ABLIM3: variants seen among roughly 807,000 people sequenced by gnomAD.
The protein encoded by ABLIM3 is actin-binding LIM protein 3.
A neutral mutation model predicts 109.5 loss-of-function variants in ABLIM3; 61 were observed. That is an observed-to-expected ratio of 0.56 (90% CI 0.45 to 0.69). The LOEUF is 0.69. Ranked by LOEUF, ABLIM3 falls within the 30% of genes least tolerant of loss-of-function variation. ABLIM3 has a pLI of 0.00. For missense variants in ABLIM3, 796 were observed against 889.5 expected (o/e 0.89, Z 1.34); for synonymous variants, 300 against 324.8 (o/e 0.92, Z 0.82).
rs201746043 is a variant in ABLIM3, at chr5:149,251,398, G to A, written c.1828G>A (p.Ala610Thr). The A allele has an allele frequency of 4.0e-5, 64 of 1,614,022 alleles. No homozygotes were observed. The highest frequency in any genetic ancestry group is 1.5e-4 in the South Asian group (14 of 91,072). The change falls in exon 21 of 24, where the codon GCA becomes ACA. Residue 610 changes from alanine (A) to threonine (T), a missense_variant. By Grantham distance (58) the Ala-to-Thr change is moderately conservative. Transcript: ENST00000309868. Reference protein sequence around the residue: ...ADLFHYDSMNAVNWGMREYKI... With the variant: ...ADLFHYDSMNTVNWGMREYKI... ...CCTCTTCCACTACGACAGCATGAAC[G>A]CAGTCAACTGGGGCATGCGAGGTGA...
intron 3 of ABLIM3, among the ~76,000 whole-genome samples, chr5:149,190,791 A>C (rs1757409131): frequency 6.6e-6 from 1 of 151,982 alleles, no homozygotes; most frequent in Non-Finnish European, 1.5e-5. Context: ...GAAATTATAA[A>C]ATATGTTCTG....
intron 3 of ABLIM3, among the ~76,000 whole-genome samples, chr5:149,194,904 G>A (rs1462289468): frequency 6.6e-6 from 1 of 152,100 alleles, no homozygotes; most frequent in Non-Finnish European, 1.5e-5. Flanking sequence ...GGGTACATGG[G>A]AGTTATTTTA....
At chr5:149,169,093 A>ACCCCCCCC (rs1755118808) in intron 2 of ABLIM3, among the ~76,000 whole-genome samples, 1 of 77,200 alleles carries the variant, frequency 1.3e-5, no homozygotes, top group Non-Finnish European at 2.8e-5. Flanking sequence ...GGACCCCCCC[A>ACCCCCCCC]CCCCCCGTCT....
At chr5:149,143,599 C>T (rs574694913) in intron 2 of ABLIM3, among the ~76,000 whole-genome samples, 14 of 147,478 alleles carry the variant, frequency 9.5e-5, no homozygotes, top group African/African-American at 2.2e-4. Flanking sequence ...TTATTTACTA[C>T]GTATTTGTAT....
chr5:149,259,370 C>T lies in ABLIM3; in HGVS notation c.*966C>T. ...CACACCGCAGGGCTAATGTTCCCAC[C>T]AGAGCTCCAACTGAACAACCAGACA... On this transcript the variant is annotated 3_prime_UTR_variant, in exon 24 of 24. Coordinates refer to ENST00000309868, the MANE Select transcript of ABLIM3 (RefSeq NM_014945.5). The T allele has an allele frequency of 6.8e-7, 1 of 1,463,842 alleles. No individual in the cohort carries two copies. Among genetic ancestry groups the T allele is most frequent in the Non-Finnish European group, 9.0e-7 (1 of 1,111,160 alleles). 90.7% of individuals were successfully genotyped at this position (1,463,842 alleles called of 1,614,324 possible).
At chr5:149,234,578 A>G (rs1018843157) in intron 10 of ABLIM3, among the ~76,000 whole-genome samples, 2 of 152,148 alleles carry the variant, frequency 1.3e-5, no homozygotes, top group African/African-American at 4.8e-5. Flanking sequence ...AAAGAAAAAC[A>G]CTTAAGAGTT....
rs1289680322 is a variant in ABLIM3, at chr5:149,141,592, G to A, written c.-150G>A. 1 of 157,636 alleles carries A rather than the reference G, an allele frequency of 6.3e-6. No individual in the cohort carries two copies. Among genetic ancestry groups the A allele is most frequent in the South Asian group, 1.9e-4 (1 of 5,144 alleles). 9.8% of individuals were successfully genotyped at this position (157,636 alleles called of 1,614,324 possible). A position where few individuals can be genotyped will look rare whatever the true frequency, so the allele number is the denominator to read the frequency against. ...ATTCGAGACCCCAGACGAGGACCAG[G>A]ATTCATGAAATCAGTCGCAGGGGCC... On this transcript the variant is annotated 5_prime_UTR_variant, in exon 1 of 24. Coordinates refer to ENST00000309868, the MANE Select transcript of ABLIM3 (RefSeq NM_014945.5).
At chr5:149,227,027 G>A (rs1761361266) in intron 8 of ABLIM3, among the ~76,000 whole-genome samples, 1 of 144,706 alleles carries the variant, frequency 6.9e-6, no homozygotes, top group Non-Finnish European at 1.5e-5. Context: ...CCAAGATCGT[G>A]CCATTGCACT....
At chr5:149,239,125 G>C (rs375621574) in intron 11 of ABLIM3, 123 bp from the exon 12 acceptor site, 8 of 930,546 alleles carry the variant, frequency 8.6e-6, no homozygotes, top group Non-Finnish European at 1.4e-5. Context: ...CTGGAGAGGG[G>C]TACAAAGGAA....
intron 2 of ABLIM3, among the ~76,000 whole-genome samples, chr5:149,173,671 G>A (rs1355912731): frequency 6.6e-6 from 1 of 152,132 alleles, no homozygotes; most frequent in East Asian, 1.9e-4. Flanking sequence ...ATAGCTCCAA[G>A]GCCTTAAAGT....
intron 2 of ABLIM3, among the ~76,000 whole-genome samples, chr5:149,154,887 C>A (rs779190088): frequency 1.1e-4 from 17 of 152,134 alleles, no homozygotes; most frequent in Non-Finnish European, 1.6e-4. Context: ...TTACGCTTCA[C>A]AAGAGTCCTA....
At chr5:149,236,983 C>T (rs1470325244) in intron 10 of ABLIM3, among the ~76,000 whole-genome samples, 1 of 152,020 alleles carries the variant, frequency 6.6e-6, no homozygotes, top group Non-Finnish European at 1.5e-5. Context: ...TTGTCTTTAC[C>T]ATCTTCATCT....
At chr5:149,231,229 G>A (rs547139590) in intron 9 of ABLIM3, among the ~76,000 whole-genome samples, 5 of 152,290 alleles carry the variant, frequency 3.3e-5, no homozygotes, top group Non-Finnish European at 5.9e-5. Flanking sequence ...AAGCACAGCC[G>A]ACATCCCCAG....
In ABLIM3 at chr5:149,190,975, A is replaced by G. The variant is rs1215444706; in HGVS notation, c.152-7244A>G. Among the ~76,000 whole-genome samples, 7 of 152,350 alleles carry G rather than the reference A, an allele frequency of 4.6e-5. No homozygotes were observed. In the South Asian group the frequency reaches 1.2e-3, roughly 27 times the overall value. On this transcript the variant is annotated intron_variant, in intron 3 of 23. Transcript: ENST00000309868. ...AAGTGGTACTCAGAGGAAAATGTGT[A>G]GCCTTAAATTATCATAATAGAAAAG...
chr5:149,179,608 A>G (rs1337205909), intron 2 of ABLIM3, among the ~76,000 whole-genome samples: 1 of 146,556 alleles, frequency 6.8e-6, no homozygotes, highest in East Asian at 2.0e-4. Context: ...TAATTTGTAC[A>G]TTTTTTTTTT....
chr5:149,239,289 G>A lies in ABLIM3; in HGVS notation c.1074+12G>A. The A allele has an allele frequency of 6.2e-7, 1 of 1,613,220 alleles. No individual in the cohort carries two copies. The highest frequency in any genetic ancestry group is 8.5e-7 in the Non-Finnish European group (1 of 1,179,214). On this transcript the variant is annotated intron_variant, in intron 12 of 23. Coordinates refer to ENST00000309868, the MANE Select transcript of ABLIM3 (RefSeq NM_014945.5). ...CTCCCTACTCCCAGGTAATTCAGCT[G>A]ATAGAGAATTAAGTTGATATATAAT... is the stretch of plus-strand genomic sequence containing the variant.
intron 3 of ABLIM3, among the ~76,000 whole-genome samples, chr5:149,197,769 C>A (rs1002492828): frequency 1.3e-5 from 2 of 152,210 alleles, no homozygotes; most frequent in South Asian, 4.1e-4. Context: ...AGCTGTGTGG[C>A]CTTGCGTGAG....
In ABLIM3 at chr5:149,233,290, G is replaced by A. The variant is rs761651512; in HGVS notation, c.878G>A (p.Arg293Gln). The A allele has an allele frequency of 4.9e-5, 79 of 1,613,922 alleles. No individual in the cohort carries two copies. Among genetic ancestry groups the A allele is most frequent in the Non-Finnish European group, 6.4e-5 (76 of 1,179,990 alleles). ...PPGSSIGSPNRVICAKVDNEI... is the reference protein window; with the variant it reads ...PPGSSIGSPNQVICAKVDNEI... ...GGATCCAGCATTGGGTCACCCAACC[G>A]AGTCATCTGCGTATGTATCACTTTT... The change falls in exon 10 of 24, where the codon CGA (arginine) becomes CAA (glutamine). Residue 293 changes from arginine (R) to glutamine (Q), a missense_variant. By Grantham distance (43) the Arg-to-Gln change is conservative. Coordinates refer to ENST00000309868, the MANE Select transcript of ABLIM3 (RefSeq NM_014945.5).
intron 2 of ABLIM3, among the ~76,000 whole-genome samples, chr5:149,176,102 C>A (rs901979583): frequency 6.6e-6 from 1 of 152,160 alleles, no homozygotes; most frequent in African/African-American, 2.4e-5. Flanking sequence ...TCCCAGAGGA[C>A]TCGTACTTCC....
Sources: gnomAD v4.1 joint callset for allele counts (sites outside exome capture counted in the v4.1 genomes callset) on GRCh38, gnomAD v4.1.1 for gene constraint, MANE v1.5 for transcripts, NCBI Gene and HGNC (gene_info 2026-07-23, HGNC 2026-07-21) for gene names.